The following SMG5 variants were observed in gnomAD, a reference collection of about 807,000 sequenced individuals.
The protein encoded by SMG5 is nonsense-mediated mRNA decay factor SMG5.
In SMG5, 53 loss-of-function variants were observed where a neutral mutation model predicts 122.9. The observed-to-expected ratio is 0.43, with a 90% CI of 0.35 to 0.54. The LOEUF is 0.54. Among genes scored for constraint, SMG5 ranks in the 20% least tolerant of loss-of-function variants. SMG5 has a pLI of 0.01. For missense variants in SMG5, 1,153 were observed against 1,285.6 expected, an observed-to-expected ratio of 0.90 and a Z score of 1.58; for synonymous variants, 477 against 490.2, an observed-to-expected ratio of 0.97 and a Z score of 0.35.
At chr1:156,277,731 C>T (rs955543678) in intron 3 of SMG5, among the ~76,000 whole-genome samples, 194 bp downstream of exon 3, 45 of 152,010 alleles carry the variant, frequency 3.0e-4, no homozygotes, top group Non-Finnish European at 6.0e-4. Flanking sequence ...AGGCTGGTCT[C>T]GAACTCCCAA....
In SMG5 at chr1:156,277,160, G is replaced by C; in HGVS notation, c.379C>G (p.Leu127Val). 1 of 1,614,048 alleles carries C rather than the reference G, an allele frequency of 6.2e-7. No homozygotes were observed. Among genetic ancestry groups the C allele is most frequent in the Non-Finnish European group, 8.5e-7 (1 of 1,179,988 alleles). ...AGIGFYQHLL[L>V]YIQSHYQLEL... ...AGCTGGTAGTGGGACTGGATATAGA[G>C]AAGGAGATGCTGGTAGAAGCCAATA... The change falls in exon 4 of 22, where the codon CTC becomes GTC. Residue 127 changes from leucine to valine, a missense_variant. Transcript: ENST00000361813.
Position 156,266,271 on chromosome 1 carries a change from G to A in SMG5, c.1365C>T (p.Arg455=). Residue 455 remains arginine (R), a synonymous_variant, in exon 12 of 22, where the codon CGC becomes CGT. Coordinates refer to ENST00000361813, the MANE Select transcript of SMG5 (RefSeq NM_015327.3). The stretch of plus-strand genomic sequence containing the variant: ...GGCGGCGACGGCGGAGACAGGAGAG[G>A]CGAGAGAACTTACGGCTCTTTCTGC... The part of the protein sequence containing the change: ...GEGRKSRKFS[R]LSCLRRRRHP... The A allele has an allele frequency of 6.2e-7, 1 of 1,614,236 alleles. No individual in the cohort carries two copies. Among genetic ancestry groups the A allele is most frequent in the Middle Eastern group, 1.6e-4 (1 of 6,062 alleles).
At chr1:156,264,267 C>CAAAAAAAAAAA (rs1205363773) in intron 12 of SMG5, among the ~76,000 whole-genome samples, 3 of 53,978 alleles carry the variant, frequency 5.6e-5, no homozygotes, top group African/African-American at 2.4e-4. Context: ...GACTCCGTCT[C>CAAAAAAAAAAA]AAAAAAAAAA....
upstream of SMG5, among the ~76,000 whole-genome samples, chr1:156,283,627 T>C (rs1242321834): frequency 2.6e-5 from 4 of 152,138 alleles, no homozygotes; most frequent in African/African-American, 9.7e-5. Context: ...GCAAGGGTGG[T>C]TTGTTTTGTT....
chr1:156,257,415 G>A (rs954198019), intron 16 of SMG5, among the ~76,000 whole-genome samples: 3 of 152,078 alleles, frequency 2.0e-5, no homozygotes, highest in Admixed American at 6.6e-5. Context: ...TCAAGCAGAG[G>A]AGGCAGCCCC....
intron 12 of SMG5, among the ~76,000 whole-genome samples, chr1:156,264,661 G>A (rs1279652445): frequency 6.6e-6 from 1 of 152,140 alleles, no homozygotes; most frequent in African/African-American, 2.4e-5. Context: ...GGGCAAGTAA[G>A]AATTAGCTAA....
chr1:156,265,826 G>A lies in SMG5; in HGVS notation c.1810C>T (p.His604Tyr). The change falls in exon 12 of 22, where the codon CAC becomes TAC. Residue 604 changes from histidine (H) to tyrosine (Y), a missense_variant. Around this residue, in one of 5 missense-constraint regions of SMG5, gnomAD observed 631 missense variants for 650.6 expected, o/e 0.97. Transcript: ENST00000361813. ...ACATCCCCATTGACGCAAGGCCTGT[G>A]GCTGGCCGAGGTATGAGGGTTGGTG... ...PTTNPHTSAS[H>Y]RPCVNGDVDK... The A allele has an allele frequency of 6.2e-7, 1 of 1,614,190 alleles. No individual in the cohort carries two copies. The highest frequency in any genetic ancestry group is 8.5e-7 in the Non-Finnish European group (1 of 1,180,028).
the SMG5 span, among the ~76,000 whole-genome samples, chr1:156,288,501 A>G: frequency 6.0e-5 from 9 of 151,174 alleles, no homozygotes; most frequent in Admixed American, 1.3e-4. Context: ...TGCCCAGCTA[A>G]TTTTTTTTGT....
chr1:156,251,445 C>T lies in SMG5; in HGVS notation c.2786G>A (p.Ser929Asn), dbSNP rs776471889. ...YIRCQKEVGK[S>N]FERHKLKRQD... ...CCTCTTCAGCTTATGCCGCTCAAAG[C>T]TCTTTCCCACCTCTTTCTGGCAGCG... The change falls in exon 20 of 22, where the codon AGC becomes AAC. Residue 929 changes from serine (S) to asparagine (N), a missense_variant. Transcript: ENST00000361813. 14 of 1,614,074 alleles carry T rather than the reference C, an allele frequency of 8.7e-6. No individual in the cohort carries two copies. The highest frequency in any genetic ancestry group is 1.2e-5 in the Non-Finnish European group (14 of 1,180,042).
chr1:156,275,131 T>TAAAAAAAAAA (rs760480249), intron 4 of SMG5, among the ~76,000 whole-genome samples: 1 of 86,872 alleles, frequency 1.2e-5, no homozygotes, highest in African/African-American at 4.9e-5. Context: ...TGACGCCAAT[T>TAAAAAAAAAA]AAAAAAAAAA....
chr1:156,270,452 A>C (rs1472815017), intron 7 of SMG5, among the ~76,000 whole-genome samples: 1 of 152,252 alleles, frequency 6.6e-6, no homozygotes, highest in Non-Finnish European at 1.5e-5. Context: ...CCTTCCGATC[A>C]GCTGAATACC....
At chr1:156,252,282 G>T in intron 19 of SMG5, 132 bp downstream of exon 19, 2 of 730,774 alleles carry the variant, frequency 2.7e-6, no homozygotes, top group Non-Finnish European at 4.6e-6. Context: ...CCCAGGCAGT[G>T]AGGTGAGCTA....
rs188863928 is a variant in SMG5, at chr1:156,255,535, G to A, written c.2443-2027C>T. On this transcript the variant is annotated intron_variant, in intron 16 of 21. Coordinates refer to ENST00000361813, the MANE Select transcript of SMG5 (RefSeq NM_015327.3). ...GTCTGCACAACAAGAGCAAAACTCCGTCTCAAAGAAAATGAATAAATAAAT... is the reference window on the plus strand; with the variant it reads ...GTCTGCACAACAAGAGCAAAACTCCATCTCAAAGAAAATGAATAAATAAAT... Among the ~76,000 whole-genome samples, 149 of 150,848 alleles carry A rather than the reference G, an allele frequency of 9.9e-4. 3 individuals are homozygous for A. The highest frequency in any genetic ancestry group is 7.9e-3 in the Admixed American group (119 of 15,088).
the SMG5 span, chr1:156,291,170 C>T: frequency 1.8e-6 from 1 of 564,432 alleles, no homozygotes; most frequent in Non-Finnish European, 3.2e-6. Context: ...TACTCAACTT[C>T]ATAAAGATGT....
chr1:156,256,885 T>C (rs1661598179), intron 16 of SMG5, among the ~76,000 whole-genome samples: 1 of 151,952 alleles, frequency 6.6e-6, no homozygotes. Flanking sequence ...CTTTCTGATC[T>C]TGGGAATGTT....
chr1:156,278,862 T>C (rs945269058), intron 2 of SMG5, 74 bp downstream of exon 2: 3 of 1,255,700 alleles, frequency 2.4e-6, no homozygotes, highest in African/African-American at 2.9e-5. Flanking sequence ...TGCGTGTTTA[T>C]ATATCTGAGA....
chr1:156,272,260 CAA>C, intron 7 of SMG5, 58 bp downstream of exon 7: 1 of 1,486,956 alleles, frequency 6.7e-7, no homozygotes, highest in South Asian at 1.2e-5. Flanking sequence ...AGACGGAAAA[CAA>C]AGCCAAAATA....
intron 15 of SMG5, among the ~76,000 whole-genome samples, chr1:156,259,816 G>A (rs1661741770): frequency 6.6e-6 from 1 of 152,228 alleles, no homozygotes; most frequent in Admixed American, 6.5e-5. Context: ...ACAAAGGTGA[G>A]CCATTGCACC....
Position 156,254,367 on chromosome 1 carries a change from T to A in SMG5, c.2443-859A>T, listed in dbSNP as rs147259074. On this transcript the variant is annotated intron_variant, in intron 16 of 21. Coordinates refer to ENST00000361813, the MANE Select transcript of SMG5 (RefSeq NM_015327.3). ...TATGGGTAAAGCCCAAATTCCTTAG[T>A]ATGGTCTATAAGATGAGGCTAAGGA... 2.1e-3 allele frequency among the ~76,000 whole-genome samples: 322 copies of A among 152,344 alleles called. 5 individuals carry two copies. Among genetic ancestry groups the A allele is most frequent in the Middle Eastern group, 3.4e-3 (1 of 294 alleles).
Sources: allele counts gnomAD v4.1 joint callset (sites outside exome capture counted in the v4.1 genomes callset), GRCh38; gene constraint gnomAD v4.1.1; regional missense constraint gnomAD v4.1.1; transcripts MANE v1.5; gene names NCBI Gene and HGNC (gene_info 2026-07-23, HGNC 2026-07-21).